The following RASSF1 variants were observed in gnomAD, a reference collection of about 807,000 sequenced individuals.
RASSF1 encodes the protein Ras association domain family member 1.
A neutral mutation model predicts 34.3 loss-of-function variants in RASSF1; 33 were observed. The ratio of observed to expected loss-of-function variants is 0.96; its 90% CI spans 0.73 to 1.29. RASSF1 has a LOEUF of 1.29. Among genes scored for constraint, RASSF1 ranks in the 50% most tolerant of loss-of-function variants. The pLI is 0.00. For missense variants in RASSF1, 445 were observed against 471.8 expected, an observed-to-expected ratio of 0.94 and a Z score of 0.53; for synonymous variants, 191 against 195.0, an observed-to-expected ratio of 0.98 and a Z score of 0.17.
At chr3:50,336,949 T>A (rs1323807978) in intron 2 of RASSF1, 10 of 604,458 alleles carry the variant, frequency 1.7e-5, no homozygotes, top group Non-Finnish European at 2.8e-5. Context: ...GTGTTCAACC[T>A]GTCTGTGACA....
Position 50,330,846 on chromosome 3 carries a change from C to T in RASSF1, c.877-119G>A, listed in dbSNP as rs1235802626. On this transcript the variant is annotated intron_variant, in intron 5 of 5. Coordinates refer to ENST00000359365, the MANE Select transcript of RASSF1 (RefSeq NM_007182.5). The surrounding 1 kb of genome is among the most constrained non-coding windows in gnomAD (Gnocchi z 4.5). ...AAGCTAGGACTGGGCTTTCTGATGT[C>T]AGGCTCTTGGCTGAATGATCTCTGG... 1.7e-6 allele frequency: 2 copies of T among 1,183,116 alleles called. No homozygotes were observed. Among genetic ancestry groups the T allele is most frequent in the Non-Finnish European group, 1.2e-6 (1 of 854,472 alleles). 73.3% of individuals were successfully genotyped at this position (1,183,116 alleles called of 1,614,324 possible).
At position 50,330,828 on chromosome 3, in the gene RASSF1, G is replaced by A. The variant is rs914698737; in HGVS notation, c.877-101C>T. The stretch of plus-strand genomic sequence containing the variant: ...AGCACCTCATGTTCACACAAGCTAG[G>A]ACTGGGCTTTCTGATGTCAGGCTCT... On this transcript the variant is annotated intron_variant, in intron 5 of 5. Transcript: ENST00000359365. This position sits in a 1 kb window ranked among gnomAD's most constrained non-coding sequence, Gnocchi z 4.5. 7.5e-7 allele frequency: 1 copy of A among 1,326,410 alleles called. No homozygotes were observed. The highest frequency in any genetic ancestry group is 1.5e-5 in the African/African-American group (1 of 68,074). 82.2% of individuals were successfully genotyped at this position (1,326,410 alleles called of 1,614,324 possible). A position where few individuals can be genotyped will look rare whatever the true frequency, so the allele number is the denominator to read the frequency against.
Position 50,330,417 on chromosome 3 carries a change from T to A in RASSF1, c.*164A>T, listed in dbSNP as rs782351590. 3.1e-4 allele frequency: 303 copies of A among 969,980 alleles called. No homozygotes were observed. Among genetic ancestry groups the A allele is most frequent in the Non-Finnish European group, 4.4e-4 (291 of 663,792 alleles). 60.1% of individuals were successfully genotyped at this position (969,980 alleles called of 1,614,324 possible). A position where few individuals can be genotyped will look rare whatever the true frequency, so the allele number is the denominator to read the frequency against. On this transcript the variant is annotated 3_prime_UTR_variant, in exon 6 of 6. Coordinates refer to ENST00000359365, the MANE Select transcript of RASSF1 (RefSeq NM_007182.5). The surrounding 1 kb of genome is among the most constrained non-coding windows in gnomAD (Gnocchi z 4.5). ...AGCCATACCTGGCTACACCCACAGGTGGACACAGGGAGCAAGCTACTTCGC... is the reference window on the plus strand; with the variant it reads ...AGCCATACCTGGCTACACCCACAGGAGGACACAGGGAGCAAGCTACTTCGC...
In RASSF1 at chr3:50,331,713, A is replaced by C; in HGVS notation, c.606T>G (p.Thr202=). 1 of 1,613,176 alleles carries C rather than the reference A, an allele frequency of 6.2e-7. No homozygotes were observed. The highest frequency in any genetic ancestry group is 8.5e-7 in the Non-Finnish European group (1 of 1,179,444). The change falls in exon 4 of 6, where the codon ACT becomes ACG. Residue 202 remains threonine (T), a synonymous_variant. Coordinates refer to ENST00000359365, the MANE Select transcript of RASSF1 (RefSeq NM_007182.5). The part of the protein sequence containing the change: ...PGRGTSVRRR[T]SFYLPKDAVK... ...CAGCATCCTTGGGCAGGTAAAAGGA[A>C]GTGCGGCGCCTGACACTTGTGCCCC...
At chr3:50,337,772 A>AG in intron 2 of RASSF1, 133 bp downstream of exon 2, 7 of 1,015,676 alleles carry the variant, frequency 6.9e-6, no homozygotes, top group Non-Finnish European at 1.0e-5. Flanking sequence ...GCGCAGAATT[A>AG]GCCTCTCTGT....
At position 50,332,154 on chromosome 3, in the gene RASSF1, C is replaced by T. The variant is rs1466210354; in HGVS notation, c.358G>A (p.Asp120Asn). 1 of 1,613,954 alleles carries T rather than the reference C, an allele frequency of 6.2e-7. No individual in the cohort carries two copies. The highest frequency in any genetic ancestry group is 1.3e-5 in the African/African-American group (1 of 74,942). Reference protein sequence around the residue: ...EPAVERDTNVDEPVEWETPDL... With the variant: ...EPAVERDTNVNEPVEWETPDL... ...GGTGTCTCCCACTCCACAGGCTCGT[C>T]CTGCAAGATGGGCCAGCATGGACAC... Residue 120 changes from aspartate to asparagine, a missense_variant and splice_region_variant, in exon 3 of 6, where the codon GAC (aspartate) becomes AAC (asparagine). Physicochemically the swap from Asp to Asn is conservative, Grantham distance 23 (BLOSUM62 1). Transcript: ENST00000359365.
intron 2 of RASSF1, among the ~76,000 whole-genome samples, chr3:50,333,759 C>G (rs905433232): frequency 6.6e-6 from 1 of 152,174 alleles, no homozygotes; most frequent in African/African-American, 2.4e-5. Flanking sequence ...GGATTACAGG[C>G]GTGAACCATC....
Position 50,331,420 on chromosome 3 carries a change from G to T in RASSF1, c.790C>A (p.Gln264Lys). ...GCCAGGAGCCGCAGCCGCAGGGGCTGCTCATCATCCAACAGCTTCCGCAAG... is the reference window on the plus strand; with the variant it reads ...GCCAGGAGCCGCAGCCGCAGGGGCTTCTCATCATCCAACAGCTTCCGCAAG... ...VYLRKLLDDE[Q>K]PLRLRLLAGP... The change falls in exon 5 of 6, where the codon CAG becomes AAG. Residue 264 changes from glutamine (Q) to lysine (K), a missense_variant. By Grantham distance (53) the Gln-to-Lys change is moderately conservative. Transcript: ENST00000359365. The T allele has an allele frequency of 6.2e-7, 1 of 1,602,488 alleles. No homozygotes were observed. Among genetic ancestry groups the T allele is most frequent in the Non-Finnish European group, 8.5e-7 (1 of 1,172,752 alleles).
chr3:50,338,039 A>C, intron 1 of RASSF1, 28 bp from the exon 2 acceptor site: 2 of 1,553,384 alleles, frequency 1.3e-6, no homozygotes, highest in South Asian at 2.4e-5. Context: ...GGTGAGGCGG[A>C]GGAGCTCCAG....
chr3:50,334,935 C>T (rs1703073179), intron 2 of RASSF1, among the ~76,000 whole-genome samples: 3 of 151,922 alleles, frequency 2.0e-5, no homozygotes, highest in African/African-American at 4.8e-5. Context: ...CTCCACTCTA[C>T]CACTGTCCAT....
At chr3:50,332,288 GCC>G (rs2109338384) in intron 2 of RASSF1, 134 bp from the exon 3 acceptor site, 1 of 683,676 alleles carries the variant, frequency 1.5e-6, no homozygotes, top group African/African-American at 1.8e-5. Context: ...CATAGCTGGT[GCC>G]CACCCTGAAC....
intron 2 of RASSF1, chr3:50,337,695 C>T (rs942448820): frequency 8.3e-6 from 7 of 840,894 alleles, no homozygotes; most frequent in African/African-American, 3.5e-5. Flanking sequence ...TCAGCCTGGG[C>T]CCGGGTCCGC....
intron 1 of RASSF1, 124 bp from the exon 2 acceptor site, chr3:50,338,135 T>TG: frequency 6.8e-7 from 1 of 1,477,592 alleles, no homozygotes. Flanking sequence ...CCTATCTCAG[T>TG]GGGTTACCTC....
rs587763187 is a variant in RASSF1 at position 50,337,592 on chromosome 3, C to A, written c.357+313G>T. ...CCCCACCTACCACAGGGAACGGGGG[C>A]GGGTGCCAGCGTCCGGGCAAGCGCA... On this transcript the variant is annotated intron_variant, in intron 2 of 5. Coordinates refer to ENST00000359365, the MANE Select transcript of RASSF1 (RefSeq NM_007182.5). 7.1e-6 allele frequency: 9 copies of A among 1,264,816 alleles called. No individual in the cohort carries two copies. In the African/African-American group the frequency reaches 1.2e-4, roughly 17 times the overall value. The allele number at this position is 1,264,816 out of a possible 1,614,324, so 78.3% of individuals were successfully genotyped here.
At position 50,331,364 on chromosome 3, in the gene RASSF1, G is replaced by A. The variant is rs763348180; in HGVS notation, c.846C>T (p.Val282=). ...AGPSDKALSF[V]LKENDSGEVN... ...CCTCCCCAGAGTCATTTTCCTTCAGGACAAAGCTCAGGGCCTTGTCACTGG... is the reference window on the plus strand; with the variant it reads ...CCTCCCCAGAGTCATTTTCCTTCAGAACAAAGCTCAGGGCCTTGTCACTGG... Residue 282 remains valine (V), a synonymous_variant, in exon 5 of 6, where the codon GTC becomes GTT. Transcript: ENST00000359365. 1 of 1,603,256 alleles carries A rather than the reference G, an allele frequency of 6.2e-7. No individual in the cohort carries two copies. Among genetic ancestry groups the A allele is most frequent in the East Asian group, 2.2e-5 (1 of 44,608 alleles).
chr3:50,338,299 A>C, intron 1 of RASSF1: 6 of 989,106 alleles, frequency 6.1e-6, no homozygotes, highest in Non-Finnish European at 6.4e-6. Context: ...AACAACAAAA[A>C]ACTGCGTCTT....
At chr3:50,332,272 C>T (rs1233009432) in intron 2 of RASSF1, 118 bp from the exon 3 acceptor site, 1 of 773,134 alleles carries the variant, frequency 1.3e-6, no homozygotes, top group Non-Finnish European at 2.2e-6. Flanking sequence ...CCCTGATGTA[C>T]ATATACATAG....
rs975334939 is a variant in RASSF1, at chr3:50,331,953, C to T, written c.462+97G>A. On this transcript the variant is annotated intron_variant, in intron 3 of 5. Coordinates refer to ENST00000359365, the MANE Select transcript of RASSF1 (RefSeq NM_007182.5). ...GGGTATGCACAAATTACTGCTTGCG[C>T]CCACCCAAGATAACCTCAGTTGTGA... 3.2e-6 allele frequency: 5 copies of T among 1,559,222 alleles called. No homozygotes were observed. In the African/African-American group the frequency reaches 6.8e-5, roughly 21 times the overall value.
Position 50,330,990 on chromosome 3 carries a change from T to A in RASSF1, c.877-263A>T, listed in dbSNP as rs1702915518. 6.6e-6 allele frequency among the ~76,000 whole-genome samples: 1 copy of A among 152,178 alleles called. No homozygotes were observed. Among genetic ancestry groups the A allele is most frequent in the African/African-American group, 2.4e-5 (1 of 41,436 alleles). ...GGACAGGTCAGGCATATTCTGAGTC[T>A]AATTTCACTCCACAGGCCTAATACC... On this transcript the variant is annotated intron_variant, in intron 5 of 5. Transcript: ENST00000359365. This position sits in a 1 kb window ranked among gnomAD's most constrained non-coding sequence, Gnocchi z 4.5.
Sources: allele counts gnomAD v4.1 joint callset (sites outside exome capture counted in the v4.1 genomes callset), GRCh38; gene constraint gnomAD v4.1.1; non-coding constraint Gnocchi (gnomAD v3.1); transcripts MANE v1.5; gene names NCBI Gene and HGNC (gene_info 2026-07-23, HGNC 2026-07-21).